Variants in CNTN5 observed in about 807,000 individuals in gnomAD.
CNTN5 encodes contactin 5, also known as contactin-5.
CNTN5 carries 77 observed loss-of-function variants against 129.1 expected under a neutral mutation model. That is an observed-to-expected ratio of 0.60 (90% CI 0.50 to 0.72). The LOEUF (loss-of-function observed/expected upper bound fraction) is 0.72, where lower values mean the gene tolerates loss of function less well. CNTN5 is among the 30% of genes least tolerant of loss of function. CNTN5 has a pLI of 0.00. For missense variants in CNTN5, 1,478 were observed against 1,328.8 expected (o/e 1.11, Z -1.75); for synonymous variants, 509 against 465.6 (o/e 1.09, Z -1.20).
intron 1 of CNTN5, among the ~76,000 whole-genome samples, chr11:99,180,059 C>A (rs911474098): frequency 1.3e-5 from 2 of 152,124 alleles, no homozygotes; most frequent in African/African-American, 4.8e-5. Flanking sequence ...AGTTCCTGTT[C>A]TGTGTGGGAA....
At chr11:99,763,983 A>T (rs1009707874) in intron 3 of CNTN5, among the ~76,000 whole-genome samples, 1 of 152,116 alleles carries the variant, frequency 6.6e-6, no homozygotes, top group Non-Finnish European at 1.5e-5. Context: ...TGTGGATTTC[A>T]AATAACCATG....
chr11:99,270,502 C>A (rs1454712899), intron 1 of CNTN5, among the ~76,000 whole-genome samples: 2 of 151,796 alleles, frequency 1.3e-5, no homozygotes, highest in African/African-American at 4.8e-5. Flanking sequence ...TCCTTTCTTC[C>A]ATCAGAATTG....
intron 9 of CNTN5, among the ~76,000 whole-genome samples, chr11:100,054,048 T>C (rs371560221): frequency 2.4e-4 from 37 of 151,858 alleles, no homozygotes; most frequent in African/African-American, 8.9e-4. Flanking sequence ...ATTGATTGCC[T>C]GGGACATGGG....
At chr11:99,985,644 A>G (rs1236229209) in intron 8 of CNTN5, among the ~76,000 whole-genome samples, 1 of 152,180 alleles carries the variant, frequency 6.6e-6, no homozygotes, top group African/African-American at 2.4e-5. Context: ...GAGTTTCACC[A>G]GGGACCTATC....
intron 1 of CNTN5, among the ~76,000 whole-genome samples, chr11:99,289,376 C>T (rs1295386719): frequency 6.6e-6 from 1 of 151,696 alleles, no homozygotes; most frequent in East Asian, 1.9e-4. Context: ...TTTTAATATT[C>T]TCAGGTCATC....
intron 3 of CNTN5, among the ~76,000 whole-genome samples, chr11:99,744,065 T>C (rs945565534): frequency 1.3e-5 from 2 of 152,100 alleles, no homozygotes; most frequent in Admixed American, 1.3e-4. Flanking sequence ...GTTGCCATAT[T>C]GGAAATGGGG....
intron 2 of CNTN5, among the ~76,000 whole-genome samples, chr11:99,357,608 G>C (rs771703069): frequency 1.1e-4 from 16 of 151,536 alleles, no homozygotes; most frequent in Non-Finnish European, 1.9e-4. Context: ...TGGCTCTATA[G>C]CATATGCAAA....
intron 3 of CNTN5, among the ~76,000 whole-genome samples, chr11:99,609,732 T>A (rs1203889484): frequency 2.0e-5 from 3 of 152,140 alleles, no homozygotes; most frequent in African/African-American, 7.2e-5. Context: ...GTTGAGGTGA[T>A]GTTTATATTG....
intron 1 of CNTN5, among the ~76,000 whole-genome samples, chr11:99,035,257 G>A (rs1014749494): frequency 2.0e-3 from 303 of 149,296 alleles, no homozygotes; most frequent in African/African-American, 7.2e-3. Context: ...TTGATTTGGG[G>A]TGGAGAGTTC....
chr11:99,986,652 C>A (rs978044473), intron 8 of CNTN5, among the ~76,000 whole-genome samples: 1 of 152,166 alleles, frequency 6.6e-6, no homozygotes, highest in African/African-American at 2.4e-5. Flanking sequence ...TCATAGCTCC[C>A]TCCAACTTCC....
intron 13 of CNTN5, among the ~76,000 whole-genome samples, chr11:100,121,264 T>C (rs1946012223): frequency 6.6e-6 from 1 of 152,068 alleles, no homozygotes; most frequent in African/African-American, 2.4e-5. Context: ...TTGAAGAACA[T>C]AAAATGGTCT....
intron 3 of CNTN5, among the ~76,000 whole-genome samples, chr11:99,593,946 G>A (rs12803595): frequency 0.019 from 2,964 of 152,248 alleles, 39 homozygotes; most frequent in Non-Finnish European, 0.029. Flanking sequence ...GGTCAACAGC[G>A]TGAAGTGTGT....
At chr11:99,084,542 G>A (rs983689262) in intron 1 of CNTN5, among the ~76,000 whole-genome samples, 1 of 151,982 alleles carries the variant, frequency 6.6e-6, no homozygotes, top group Non-Finnish European at 1.5e-5. Context: ...TACATGTTAT[G>A]TTTTCAGACT....
chr11:99,963,087 A>T (rs1950995064), intron 8 of CNTN5, among the ~76,000 whole-genome samples: 1 of 151,984 alleles, frequency 6.6e-6, no homozygotes. Flanking sequence ...GATTGCAAAA[A>T]TTTTCTCCCA....
chr11:99,265,725 T>A (rs939422507), intron 1 of CNTN5, among the ~76,000 whole-genome samples: 1 of 152,150 alleles, frequency 6.6e-6, no homozygotes, highest in African/African-American at 2.4e-5. Flanking sequence ...AAACAAATCA[T>A]CCATTACAAC....
At chr11:99,173,892 G>A (rs7113594) in intron 1 of CNTN5, among the ~76,000 whole-genome samples, 144,140 of 152,274 alleles carry the variant, frequency 0.95, 68,283 homozygotes, top group East Asian at 1. Flanking sequence ...AAGGATGGTG[G>A]CTCTATAATT....
intron 8 of CNTN5, among the ~76,000 whole-genome samples, chr11:99,985,133 G>C (rs1236982935): frequency 6.6e-6 from 1 of 152,044 alleles, no homozygotes; most frequent in Non-Finnish European, 1.5e-5. Context: ...CATCACATGG[G>C]ATGGCTTCCC....
At chr11:99,701,400 A>G (rs559229566) in intron 3 of CNTN5, among the ~76,000 whole-genome samples, 28 of 151,360 alleles carry the variant, frequency 1.8e-4, no homozygotes, top group African/African-American at 6.5e-4. Flanking sequence ...TAGGTAATAG[A>G]ATACAAGCTG....
chr11:100,312,925 A>C (rs10894753), intron 21 of CNTN5, among the ~76,000 whole-genome samples: 47,989 of 151,806 alleles, frequency 0.32, 8,162 homozygotes, highest in East Asian at 0.69. Context: ...TTTAAAAATC[A>C]AGGAAACACA....
Sources: allele counts gnomAD v4.1 joint callset (sites outside exome capture counted in the v4.1 genomes callset), GRCh38; gene constraint gnomAD v4.1.1; transcripts MANE v1.5; gene names NCBI Gene and HGNC (gene_info 2026-07-23, HGNC 2026-07-21).